The following SOX5 variants were observed in gnomAD, a reference collection of about 807,000 sequenced individuals.
The protein encoded by SOX5 is transcription factor SOX-5.
Under a neutral mutation model 92.0 loss-of-function variants are expected in SOX5, and 9 were observed. The observed-to-expected ratio is 0.10, with a 90% CI of 0.06 to 0.17. SOX5 has a LOEUF of 0.17. Ranked by LOEUF, SOX5 falls within the 10% of genes least tolerant of loss-of-function variation. The pLI is 1.00. For missense variants in SOX5, 642 were observed against 944.5 expected (o/e 0.68, Z 4.20); for synonymous variants, 344 against 336.3 (o/e 1.02, Z -0.25).
At chr12:23,865,171 C>CTATT (rs1208553809) in intron 2 of SOX5, among the ~76,000 whole-genome samples, 1 of 152,130 alleles carries the variant, frequency 6.6e-6, no homozygotes, top group Non-Finnish European at 1.5e-5. Context: ...ACATGGTTTA[C>CTATT]TATTTTAAGC....
intron 4 of SOX5, among the ~76,000 whole-genome samples, chr12:24,033,128 T>C (rs530267441): frequency 7.4e-4 from 113 of 152,000 alleles, no homozygotes; most frequent in African/African-American, 2.6e-3. Context: ...AAGTAGAAAA[T>C]GAATCTAAAT....
intron 1 of SOX5, among the ~76,000 whole-genome samples, chr12:24,427,160 T>C (rs1003777994): frequency 1.3e-5 from 2 of 152,258 alleles, no homozygotes; most frequent in African/African-American, 2.4e-5. Context: ...ATTATTGAAC[T>C]ATAGATACTT....
intron 2 of SOX5, among the ~76,000 whole-genome samples, chr12:24,344,464 T>TG (rs1265130333): frequency 1.2e-4 from 19 of 152,128 alleles, no homozygotes; most frequent in African/African-American, 4.3e-4. Context: ...TAAGGACTGC[T>TG]GGTCCAAGCT....
At chr12:23,641,197 C>T (rs1412616407) in intron 7 of SOX5, among the ~76,000 whole-genome samples, 13 of 151,604 alleles carry the variant, frequency 8.6e-5, no homozygotes, top group Non-Finnish European at 1.5e-4. Flanking sequence ...CACACACGCG[C>T]GTGCACACAC....
chr12:23,900,329 G>A (rs2097217706), intron 1 of SOX5, among the ~76,000 whole-genome samples: 1 of 152,108 alleles, frequency 6.6e-6, no homozygotes, highest in South Asian at 2.1e-4. Flanking sequence ...TGATAAATGT[G>A]ACAGTAAATA....
At chr12:24,538,632 C>CAT (rs1235278666) in intron 1 of SOX5, among the ~76,000 whole-genome samples, 1 of 142,308 alleles carries the variant, frequency 7.0e-6, no homozygotes, top group Non-Finnish European at 1.5e-5. Context: ...CACACACACA[C>CAT]ACACACTACA....
chr12:23,626,725 A>AGCT (rs2077866796), intron 8 of SOX5, among the ~76,000 whole-genome samples: 1 of 140,240 alleles, frequency 7.1e-6, no homozygotes, highest in Admixed American at 7.6e-5. Flanking sequence ...ATAGGTAGAT[A>AGCT]GCTATACTTA....
intron 3 of SOX5, among the ~76,000 whole-genome samples, chr12:24,219,810 A>G (rs1959961469): frequency 6.6e-6 from 1 of 152,128 alleles, no homozygotes; most frequent in Admixed American, 6.5e-5. Context: ...TCATCTGTTC[A>G]TTTACTCAAC....
chr12:23,919,532 C>T (rs2097458173), intron 1 of SOX5, among the ~76,000 whole-genome samples: 1 of 152,208 alleles, frequency 6.6e-6, no homozygotes, highest in African/African-American at 2.4e-5. Context: ...AGATATCACA[C>T]TGAGCTATAT....
chr12:24,266,360 T>C (rs752319697), intron 3 of SOX5, among the ~76,000 whole-genome samples: 2 of 152,096 alleles, frequency 1.3e-5, no homozygotes, highest in Non-Finnish European at 2.9e-5. Context: ...ATATGGCAAA[T>C]TGCTAGAAGC....
intron 4 of SOX5, among the ~76,000 whole-genome samples, chr12:24,014,648 A>T (rs1388512530): frequency 6.6e-6 from 1 of 152,196 alleles, no homozygotes; most frequent in Non-Finnish European, 1.5e-5. Context: ...TACCTTAAAC[A>T]TTGTGTGTTA....
At chr12:23,811,560 T>A (rs1032185588) in intron 3 of SOX5, among the ~76,000 whole-genome samples, 2 of 152,098 alleles carry the variant, frequency 1.3e-5, no homozygotes, top group East Asian at 3.8e-4. Flanking sequence ...ACAGCCAAAA[T>A]AAAGAGATAA....
intron 3 of SOX5, among the ~76,000 whole-genome samples, chr12:23,816,403 C>T (rs559291314): frequency 1.3e-4 from 19 of 151,608 alleles, no homozygotes; most frequent in African/African-American, 3.9e-4. Context: ...GTAGAGATGG[C>T]GTTTCACTAT....
intron 2 of SOX5, among the ~76,000 whole-genome samples, chr12:23,870,495 C>T (rs1488642719): frequency 6.6e-6 from 1 of 152,066 alleles, no homozygotes; most frequent in Non-Finnish European, 1.5e-5. Flanking sequence ...AATACCAACT[C>T]TATTCTTTTT....
intron 4 of SOX5, among the ~76,000 whole-genome samples, chr12:24,192,945 C>G (rs1330319689): frequency 6.6e-6 from 1 of 151,894 alleles, no homozygotes; most frequent in African/African-American, 2.4e-5. Flanking sequence ...TTATATGTGT[C>G]TCTTAAAGAA....
At chr12:23,935,607 C>T (rs930056396) in intron 1 of SOX5, among the ~76,000 whole-genome samples, 85 of 151,050 alleles carry the variant, frequency 5.6e-4, no homozygotes, top group Admixed American at 5.6e-3. Flanking sequence ...TTAGCCATTA[C>T]CAAGAAACCC....
intron 9 of SOX5, among the ~76,000 whole-genome samples, chr12:23,582,466 T>C (rs762498809): frequency 7.2e-5 from 11 of 152,174 alleles, no homozygotes; most frequent in Non-Finnish European, 1.2e-4. Flanking sequence ...GAATTAATAA[T>C]CCTACTCGCG....
chr12:24,331,833 A>G (rs1951343423), intron 2 of SOX5, among the ~76,000 whole-genome samples: 1 of 141,218 alleles, frequency 7.1e-6, no homozygotes, highest in Admixed American at 7.1e-5. Flanking sequence ...GCCTGGGAAC[A>G]GAGCAAGACT....
Position 23,895,866 on chromosome 12 carries a change from T to A in SOX5, c.197A>T (p.Glu66Val), listed in dbSNP as rs1377141181. The change falls in exon 2 of 15, where the codon GAA becomes GTA. Residue 66 changes from glutamate to valine, a missense_variant. By Grantham distance (121) the Glu-to-Val change is moderately radical. This residue lies in a region of SOX5 where 113 missense variants were observed against 117.7 expected (regional missense o/e 0.96). Coordinates refer to ENST00000451604, the MANE Select transcript of SOX5 (RefSeq NM_006940.6). ...CGTCAGCAGAGAAACTGGCTGAAAT[T>A]CCTCAGAGTGAGGCTTGTTGGGAAA... is the stretch of plus-strand genomic sequence containing the variant. ...VSFPNKPHSE[E>V]FQPVSLLTQE... 1 of 1,614,108 alleles carries A rather than the reference T, an allele frequency of 6.2e-7. No homozygotes were observed. Among genetic ancestry groups the A allele is most frequent in the South Asian group, 1.1e-5 (1 of 91,076 alleles).
Sources: gnomAD v4.1 joint callset for allele counts (sites outside exome capture counted in the v4.1 genomes callset) on GRCh38, gnomAD v4.1.1 for gene constraint, gnomAD v4.1.1 regional missense constraint, MANE v1.5 for transcripts, NCBI Gene and HGNC (gene_info 2026-07-23, HGNC 2026-07-21) for gene names.